Variants in DCDC1 observed in about 807,000 individuals in gnomAD.
DCDC1 encodes the protein doublecortin domain containing 1, also known as doublecortin domain-containing protein 1.
In DCDC1, 200 loss-of-function variants were observed where a neutral mutation model predicts 178.3. That is an observed-to-expected ratio of 1.12 (90% CI 1.00 to 1.26). DCDC1 has a LOEUF of 1.26. Among genes scored for constraint, DCDC1 ranks in the 50% most tolerant of loss-of-function variants. The pLI, the probability that DCDC1 is intolerant of heterozygous loss-of-function variation, is 0.00. For missense variants in DCDC1, 1,983 were observed against 1,749.2 expected (o/e 1.13, Z -2.38); for synonymous variants, 690 against 604.8 (o/e 1.14, Z -2.07).
intron 6 of DCDC1, among the ~76,000 whole-genome samples, chr11:31,303,202 C>T (rs184701192): frequency 6.6e-6 from 1 of 152,276 alleles, no homozygotes; most frequent in African/African-American, 2.4e-5. Context: ...TTTTATCTTT[C>T]TCTGACCTGG....
chr11:31,077,861 T>G lies in DCDC1; in HGVS notation c.2298+4A>C, dbSNP rs781711004. Reference sequence around the variant, plus strand: ...ATAAAAGCTGTGGATTATAAAGTCCTTACCTTTGAATAAATGCAACCATCA... The same window carrying G: ...ATAAAAGCTGTGGATTATAAAGTCCGTACCTTTGAATAAATGCAACCATCA... On this transcript the variant is annotated splice_donor_region_variant and intron_variant, in intron 18 of 38. Transcript: ENST00000684477. 1.3e-6 allele frequency: 1 copy of G among 766,130 alleles called. No individual in the cohort carries two copies. The highest frequency in any genetic ancestry group is 2.4e-6 in the Non-Finnish European group (1 of 417,722). 47.5% of individuals were successfully genotyped at this position (766,130 alleles called of 1,614,324 possible). A position where few individuals can be genotyped will look rare whatever the true frequency, so the allele number is the denominator to read the frequency against.
intron 8 of DCDC1, among the ~76,000 whole-genome samples, chr11:31,253,644 T>C (rs1944220368): frequency 1.3e-5 from 2 of 152,168 alleles, no homozygotes; most frequent in South Asian, 4.1e-4. Flanking sequence ...CTTTGCAGGC[T>C]GACCTGCCTT....
chr11:31,221,923 TTGCTA>T (rs1974325017), intron 9 of DCDC1, among the ~76,000 whole-genome samples: 1 of 152,156 alleles, frequency 6.6e-6, no homozygotes, highest in Non-Finnish European at 1.5e-5. Flanking sequence ...TCCCAACACT[TTGCTA>T]AGCAATCTCC....
At chr11:30,884,449 C>T (rs945102545) in intron 36 of DCDC1, among the ~76,000 whole-genome samples, 2 of 152,030 alleles carry the variant, frequency 1.3e-5, no homozygotes, top group Admixed American at 1.3e-4. Flanking sequence ...GAAACAGTTC[C>T]TTTAAAGGAG....
intron 20 of DCDC1, among the ~76,000 whole-genome samples, chr11:30,954,673 T>C (rs1380907615): frequency 1.3e-5 from 2 of 152,202 alleles, no homozygotes; most frequent in African/African-American, 4.8e-5. Context: ...AATGAAACGA[T>C]GGACATTTAC....
chr11:30,993,906 T>C (rs1389162280), intron 20 of DCDC1, among the ~76,000 whole-genome samples: 1 of 152,112 alleles, frequency 6.6e-6, no homozygotes, highest in African/African-American at 2.4e-5. Context: ...ATATAGTTTA[T>C]ACCAGAACAT....
chr11:31,306,810 G>A (rs987467646), intron 4 of DCDC1, among the ~76,000 whole-genome samples: 1 of 151,862 alleles, frequency 6.6e-6, no homozygotes, highest in Non-Finnish European at 1.5e-5. Flanking sequence ...AAGTTTTCAG[G>A]TTTATCAAAG....
At chr11:31,207,313 T>A (rs1357827527) in intron 9 of DCDC1, among the ~76,000 whole-genome samples, 1 of 152,200 alleles carries the variant, frequency 6.6e-6, no homozygotes, top group Non-Finnish European at 1.5e-5. Context: ...CTAAATATTA[T>A]AAAGGTAAAT....
In DCDC1 at chr11:31,000,227, G is replaced by T. The variant is rs1407261; in HGVS notation, c.2592-47659C>A. Among the ~76,000 whole-genome samples, 549 of 152,208 alleles carry T rather than the reference G, an allele frequency of 3.6e-3. 2 individuals are homozygous for T. Among genetic ancestry groups the T allele is most frequent in the Admixed American group, 6.2e-3 (95 of 15,286 alleles). ...AATCCATTCATTCAAGCGTCACAAT[G>T]CCCTATATCAAATGAATACCAAAAA... On this transcript the variant is annotated intron_variant, in intron 20 of 38. Transcript: ENST00000684477.
chr11:30,892,535 A>G (rs1565036107), intron 36 of DCDC1, among the ~76,000 whole-genome samples: 1 of 152,154 alleles, frequency 6.6e-6, no homozygotes, highest in African/African-American at 2.4e-5. Context: ...TTTAAAGTTT[A>G]GATTTTACTC....
In DCDC1 at chr11:31,358,512, C is replaced by A. The variant is rs1951522567; in HGVS notation, c.-125+11185G>T. ...AGAAGAAAACCTAGGCATTACCATT[C>A]AGGACATAGGCATGGGCAAGGACTT... On this transcript the variant is annotated intron_variant, in intron 1 of 38. Transcript: ENST00000684477. Among the ~76,000 whole-genome samples the A allele has an allele frequency of 2.0e-5, 3 of 151,664 alleles. No individual in the cohort carries two copies. The South Asian group carries it at 6.3e-4, about 32-fold the overall frequency.
chr11:30,936,780 C>T (rs1312122637), intron 21 of DCDC1, among the ~76,000 whole-genome samples: 3 of 152,172 alleles, frequency 2.0e-5, no homozygotes. Context: ...GGAACAGACA[C>T]AGAAACTCTC....
chr11:31,289,875 G>C (rs552294438), intron 7 of DCDC1, among the ~76,000 whole-genome samples: 4 of 151,940 alleles, frequency 2.6e-5, no homozygotes, highest in Non-Finnish European at 5.9e-5. Flanking sequence ...GTGAAGCCAA[G>C]ATTCAACCCT....
chr11:31,268,345 C>CT (rs1945318447), intron 7 of DCDC1, among the ~76,000 whole-genome samples: 1 of 152,174 alleles, frequency 6.6e-6, no homozygotes, highest in East Asian at 1.9e-4. Flanking sequence ...ATATTGCTGC[C>CT]TTTGAGTCTT....
intron 17 of DCDC1, among the ~76,000 whole-genome samples, chr11:31,082,815 C>A (rs1248080157): frequency 1.3e-5 from 2 of 152,098 alleles, no homozygotes; most frequent in Non-Finnish European, 2.9e-5. Context: ...TCTCAGACAG[C>A]CTCAAATGGC....
rs151074759 is a variant in DCDC1 at position 31,247,525 on chromosome 11, T to A, written c.1055-5909A>T. 2.0e-5 allele frequency among the ~76,000 whole-genome samples: 3 copies of A among 152,040 alleles called. No individual in the cohort carries two copies. In the East Asian group the frequency reaches 5.8e-4, roughly 29 times the overall value. ...CTGTGTGTGGAAATAAGAGTTGCCATGTTCAGGGCTGGCCTTGTAACAGCA... is the reference window on the plus strand; with the variant it reads ...CTGTGTGTGGAAATAAGAGTTGCCAAGTTCAGGGCTGGCCTTGTAACAGCA... On this transcript the variant is annotated intron_variant, in intron 8 of 38. Coordinates refer to ENST00000684477, the MANE Select transcript of DCDC1 (RefSeq NM_001387274.1).
intron 20 of DCDC1, among the ~76,000 whole-genome samples, chr11:31,054,674 T>C (rs575844022): frequency 2.0e-5 from 3 of 152,142 alleles, no homozygotes; most frequent in Middle Eastern, 6.8e-3. Context: ...AACCCAGAAA[T>C]AAACCCAAAT....
At chr11:31,122,438 C>G (rs184732441) in intron 11 of DCDC1, among the ~76,000 whole-genome samples, 1 of 152,060 alleles carries the variant, frequency 6.6e-6, no homozygotes. Context: ...TGCACCACAC[C>G]TGAAGATGTG....
chr11:31,221,755 G>C (rs1974298726), intron 9 of DCDC1, among the ~76,000 whole-genome samples: 1 of 152,152 alleles, frequency 6.6e-6, no homozygotes, highest in Non-Finnish European at 1.5e-5. Flanking sequence ...CACCTTTAGT[G>C]TTCTCTTTAG....
Sources: allele counts gnomAD v4.1 joint callset (sites outside exome capture counted in the v4.1 genomes callset), GRCh38; gene constraint gnomAD v4.1.1; transcripts MANE v1.5; gene names NCBI Gene and HGNC (gene_info 2026-07-23, HGNC 2026-07-21).